The following GPHN variants were observed in gnomAD, a reference collection of about 807,000 sequenced individuals.
GPHN encodes gephyrin.
In GPHN, 17 loss-of-function variants were observed where a neutral mutation model predicts 95.5. The ratio of observed to expected loss-of-function variants is 0.18; its 90% CI spans 0.12 to 0.27. The LOEUF is 0.27. GPHN is among the 10% of genes least tolerant of loss of function. The pLI is 1.00. For missense variants in GPHN, 660 were observed against 978.1 expected, an observed-to-expected ratio of 0.67 and a Z score of 4.34; for synonymous variants, 320 against 322.5, an observed-to-expected ratio of 0.99 and a Z score of 0.08.
rs115441181 is a variant in GPHN, at chr14:67,125,946, A to G, written c.1748+3569A>G. ...CTTATCACCTGCCATAATTTTGACA[A>G]TCAAAGTAAAAATAGAAGAATAAGA... On this transcript the variant is annotated intron_variant, in intron 17 of 22. Coordinates refer to ENST00000478722, the MANE Select transcript of GPHN (RefSeq NM_020806.5). 5.2e-3 allele frequency among the ~76,000 whole-genome samples: 787 copies of G among 152,230 alleles called. 4 individuals are homozygous for G. The highest frequency in any genetic ancestry group is 0.018 in the African/African-American group (733 of 41,528).
At chr14:67,256,409 TA>T in the GPHN span, among the ~76,000 whole-genome samples, 2 of 152,248 alleles carry the variant, frequency 1.3e-5, no homozygotes, top group South Asian at 2.1e-4. Context: ...TTATATATTT[TA>T]AAAAAACAAG....
chr14:66,922,933 G>A lies in GPHN; in HGVS notation c.724G>A (p.Ala242Thr), dbSNP rs1017358655. The change falls in exon 7 of 23, where the codon GCC becomes ACC. Residue 242 changes from alanine to threonine, a missense_variant. Ala to Thr is a moderately conservative substitution (Grantham distance 58). Transcript: ENST00000478722. Reference sequence around the variant, plus strand: ...ACATATAACTGCAGCAGCCATTGCTGCCAAGGTAAGCCTGATGAGAGTTAC... The same window carrying A: ...ACATATAACTGCAGCAGCCATTGCTACCAAGGTAAGCCTGATGAGAGTTAC... The part of the protein sequence containing the change: ...SSHITAAAIA[A>T]KKHPFYTSPA... 6.2e-7 allele frequency: 1 copy of A among 1,611,672 alleles called. No individual in the cohort carries two copies. The highest frequency in any genetic ancestry group is 1.1e-5 in the South Asian group (1 of 91,064).
At chr14:67,525,186 T>C in the GPHN span, among the ~76,000 whole-genome samples, 2 of 152,214 alleles carry the variant, frequency 1.3e-5, no homozygotes, top group African/African-American at 4.8e-5. Context: ...AGATAGTCAC[T>C]GTTAATCTCT....
intron 4 of GPHN, among the ~76,000 whole-genome samples, chr14:66,874,098 A>C (rs1245799700): frequency 6.6e-6 from 1 of 152,208 alleles, no homozygotes; most frequent in African/African-American, 2.4e-5. Context: ...TTTGCTAGTG[A>C]TACCCAGGAA....
At chr14:67,492,343 G>A in the GPHN span, among the ~76,000 whole-genome samples, 2 of 152,342 alleles carry the variant, frequency 1.3e-5, no homozygotes, top group South Asian at 2.1e-4. Context: ...GCCTCACCTT[G>A]CCTTCATCAA....
intron 4 of GPHN, among the ~76,000 whole-genome samples, chr14:66,870,780 A>G (rs760466527): frequency 1.3e-5 from 2 of 152,192 alleles, no homozygotes; most frequent in Non-Finnish European, 2.9e-5. Context: ...GGTAACATAG[A>G]AAAGTATCCA....
intron 2 of GPHN, among the ~76,000 whole-genome samples, chr14:66,729,820 A>G (rs952403657): frequency 6.6e-6 from 1 of 152,230 alleles, no homozygotes; most frequent in Non-Finnish European, 1.5e-5. Flanking sequence ...CTGATAGTCA[A>G]TGGGTTGTCA....
the GPHN span, among the ~76,000 whole-genome samples, chr14:67,672,158 G>A: frequency 6.7e-6 from 1 of 149,938 alleles, no homozygotes; most frequent in African/African-American, 2.5e-5. Context: ...TTGCTCTGTG[G>A]TCCAGGCTAG....
chr14:67,364,420 T>C, the GPHN span: 1 of 186,424 alleles, frequency 5.4e-6, no homozygotes, highest in Non-Finnish European at 1.1e-5. Context: ...ATGCTTCCCA[T>C]CATTTGATAT....
the GPHN span, among the ~76,000 whole-genome samples, chr14:67,308,546 C>CTTTT: frequency 6.8e-5 from 9 of 131,834 alleles, no homozygotes; most frequent in Non-Finnish European, 1.5e-4. Flanking sequence ...TTTTCTTTTT[C>CTTTT]TTTTTTTTTT....
intron 5 of GPHN, among the ~76,000 whole-genome samples, chr14:66,886,639 A>G (rs1286490552): frequency 1.3e-5 from 2 of 152,200 alleles, no homozygotes; most frequent in African/African-American, 4.8e-5. Flanking sequence ...CAGGCAGAAA[A>G]AAGAATCAGC....
rs566712461 is a variant in GPHN, at chr14:66,948,862, C to T, written c.829-16329C>T. On this transcript the variant is annotated intron_variant, in intron 8 of 22. Coordinates refer to ENST00000478722, the MANE Select transcript of GPHN (RefSeq NM_020806.5). ...CTCTATTGCTCAGGCAGGAGTGCAA[C>T]AGCACAGTCACTGTATCCTCCACCT... Among the ~76,000 whole-genome samples, 340 of 152,228 alleles carry T rather than the reference C, an allele frequency of 2.2e-3. 2 individuals are homozygous for T. Among genetic ancestry groups the T allele is most frequent in the African/African-American group, 7.7e-3 (318 of 41,554 alleles).
the GPHN span, among the ~76,000 whole-genome samples, chr14:67,596,910 A>G: frequency 6.6e-6 from 1 of 152,200 alleles, no homozygotes; most frequent in Non-Finnish European, 1.5e-5. Context: ...CTTTTCCCCT[A>G]CTGTAATAGT....
intron 1 of GPHN, among the ~76,000 whole-genome samples, chr14:66,653,716 A>C (rs962669628): frequency 6.6e-6 from 1 of 152,198 alleles, no homozygotes; most frequent in African/African-American, 2.4e-5. Flanking sequence ...TGTACTTTCT[A>C]TTAGCATAAT....
At chr14:67,305,452 T>C in the GPHN span, among the ~76,000 whole-genome samples, 1 of 152,080 alleles carries the variant, frequency 6.6e-6, no homozygotes, top group Non-Finnish European at 1.5e-5. Flanking sequence ...GCTAATTTTT[T>C]TGTACTTTTG....
chr14:67,464,988 A>G, the GPHN span, among the ~76,000 whole-genome samples: 1 of 152,184 alleles, frequency 6.6e-6, no homozygotes, highest in South Asian at 2.1e-4. Context: ...AATTCCACTG[A>G]AGTCATCCTA....
At chr14:66,708,844 T>A (rs1009953749) in intron 2 of GPHN, among the ~76,000 whole-genome samples, 1 of 152,150 alleles carries the variant, frequency 6.6e-6, no homozygotes. Flanking sequence ...TAGCAGCAAG[T>A]ACGGAGCTCA....
chr14:67,492,083 C>G, the GPHN span, among the ~76,000 whole-genome samples: 1 of 152,208 alleles, frequency 6.6e-6, no homozygotes, highest in African/African-American at 2.4e-5. Context: ...CTCCTCTCCC[C>G]CTTCCTCCTC....
chr14:66,801,831 T>TCTC (rs2060365259), intron 3 of GPHN, among the ~76,000 whole-genome samples: 1 of 150,378 alleles, frequency 6.6e-6, no homozygotes, highest in African/African-American at 2.5e-5. Context: ...TCCCTCTCCC[T>TCTC]CCTTGAGCTA....
Sources: gnomAD v4.1 joint callset for allele counts (sites outside exome capture counted in the v4.1 genomes callset) on GRCh38, gnomAD v4.1.1 for gene constraint, MANE v1.5 for transcripts, NCBI Gene and HGNC (gene_info 2026-07-23, HGNC 2026-07-21) for gene names.